SLC9C2: variants seen among roughly 807,000 people sequenced by gnomAD.
The protein encoded by SLC9C2 is solute carrier family 9 member C2 (putative).
SLC9C2 carries 75 observed loss-of-function variants against 140.2 expected under a neutral mutation model. The ratio of observed to expected loss-of-function variants is 0.53; its 90% CI spans 0.44 to 0.65. The LOEUF (loss-of-function observed/expected upper bound fraction) is 0.65, where lower values mean the gene tolerates loss of function less well. Ranked by LOEUF, SLC9C2 falls within the 30% of genes least tolerant of loss-of-function variation. SLC9C2 has a pLI of 0.00. For synonymous variants in SLC9C2, 375 were observed against 420.9 expected (o/e 0.89, Z 1.34); for missense variants, 1,074 against 1,331.8 (o/e 0.81, Z 3.01).
chr1:173,591,496 T>C (rs914360496), intron 4 of SLC9C2, among the ~76,000 whole-genome samples: 3 of 152,172 alleles, frequency 2.0e-5, no homozygotes, highest in South Asian at 2.1e-4. Flanking sequence ...CCCACCAAGA[T>C]TGTATAAGTA....
intron 19 of SLC9C2, 132 bp downstream of exon 19, chr1:173,526,531 C>A (rs1043473497): frequency 1.3e-5 from 10 of 798,242 alleles, no homozygotes; most frequent in Non-Finnish European, 1.9e-5. Context: ...GGCCCATTAG[C>A]TGTGTTTAAT....
At chr1:173,564,794 C>T (rs112257531) in intron 9 of SLC9C2, among the ~76,000 whole-genome samples, 3,028 of 148,640 alleles carry the variant, frequency 0.02, 99 homozygotes, top group African/African-American at 0.07. Flanking sequence ...CCTGCCACCA[C>T]GCCTGGCTAA....
chr1:173,528,291 A>C lies in SLC9C2; in HGVS notation c.2314-1577T>G, dbSNP rs145997820. ...AATCTTTACTGGTGCTTCTTTCAAA[A>C]TGTCACAGGGGATTCACTTCACCTG... On this transcript the variant is annotated intron_variant, in intron 18 of 27. Transcript: ENST00000367714. 1.7e-4 allele frequency among the ~76,000 whole-genome samples: 26 copies of C among 152,302 alleles called. 1 individual carries two copies. In the East Asian group the frequency reaches 4.8e-3, roughly 28 times the overall value.
intron 8 of SLC9C2, among the ~76,000 whole-genome samples, chr1:173,574,226 G>A (rs1392624927): frequency 6.6e-6 from 1 of 152,156 alleles, no homozygotes; most frequent in Non-Finnish European, 1.5e-5. Context: ...AAGTGCATCT[G>A]CCCCACAAAC....
At chr1:173,570,880 T>C (rs900456031) in intron 9 of SLC9C2, among the ~76,000 whole-genome samples, 4 of 151,880 alleles carry the variant, frequency 2.6e-5, no homozygotes, top group Admixed American at 1.3e-4. Context: ...ATTCTCTCTC[T>C]GCACCACACA....
intron 23 of SLC9C2, 22 bp from the exon 24 acceptor site, chr1:173,509,721 C>T (rs1426698062): frequency 6.4e-7 from 1 of 1,567,034 alleles, no homozygotes; most frequent in East Asian, 2.4e-5. Flanking sequence ...AGGAACCAGG[C>T]CATAGCAGCT....
intron 9 of SLC9C2, among the ~76,000 whole-genome samples, chr1:173,569,159 G>A (rs1664682047): frequency 6.6e-6 from 1 of 151,916 alleles, no homozygotes; most frequent in Non-Finnish European, 1.5e-5. Context: ...GGTTTCCACC[G>A]AAAAGTCTGC....
Position 173,554,871 on chromosome 1 carries a change from G to A in SLC9C2, c.1216-57C>T, listed in dbSNP as rs141825536. The A allele has an allele frequency of 1.6e-4, 161 of 1,029,250 alleles. 1 individual carries two copies. In the African/African-American group the frequency reaches 2.3e-3, roughly 15 times the overall value. 63.8% of individuals were successfully genotyped at this position (1,029,250 alleles called of 1,614,324 possible). A position where few individuals can be genotyped will look rare whatever the true frequency, so the allele number is the denominator to read the frequency against. On this transcript the variant is annotated intron_variant, in intron 10 of 27. Transcript: ENST00000367714. ...AAAACATTAAATAAGTTCTCCAAAA[G>A]CAATCATTGTTCAATTAGCCACTTA...
intron 14 of SLC9C2, 97 bp downstream of exon 14, chr1:173,536,841 AATAG>A: frequency 2.4e-6 from 2 of 834,398 alleles, no homozygotes; most frequent in South Asian, 3.1e-5. Flanking sequence ...TATGTGAAAT[AATAG>A]ATTGATCAAT....
intron 23 of SLC9C2, among the ~76,000 whole-genome samples, chr1:173,516,592 A>T (rs951400506): frequency 9.2e-5 from 14 of 152,160 alleles, no homozygotes; most frequent in African/African-American, 3.4e-4. Flanking sequence ...GCATTAATTT[A>T]CTAAAGATAA....
chr1:173,553,930 C>T (rs1024185989), intron 11 of SLC9C2, among the ~76,000 whole-genome samples: 9 of 152,188 alleles, frequency 5.9e-5, no homozygotes, highest in Non-Finnish European at 8.8e-5. Flanking sequence ...TAAGGCTCTA[C>T]GATAAGACTT....
At chr1:173,526,642 T>C in intron 19 of SLC9C2, 21 bp downstream of exon 19, 1 of 1,574,898 alleles carries the variant, frequency 6.3e-7, no homozygotes, top group Non-Finnish European at 8.6e-7. Flanking sequence ...CTTTAAGAAC[T>C]CAGATACTTC....
intron 13 of SLC9C2, among the ~76,000 whole-genome samples, 198 bp downstream of exon 13, chr1:173,547,491 T>C (rs894724707): frequency 3.3e-5 from 5 of 151,492 alleles, no homozygotes; most frequent in African/African-American, 4.9e-5. Flanking sequence ...AACAGGATAA[T>C]AAGGTTTGTG....
At chr1:173,535,747 G>A (rs1661903566) in intron 15 of SLC9C2, 83 bp downstream of exon 15, 1 of 1,375,330 alleles carries the variant, frequency 7.3e-7, no homozygotes, top group South Asian at 1.4e-5. Flanking sequence ...TCTCAAATAA[G>A]GAAAATTGAG....
chr1:173,528,820 A>T (rs1661379581), intron 18 of SLC9C2, among the ~76,000 whole-genome samples: 2 of 152,204 alleles, frequency 1.3e-5, no homozygotes, highest in African/African-American at 4.8e-5. Flanking sequence ...AGCTGTTGAT[A>T]CTGTTCACCT....
intron 26 of SLC9C2, among the ~76,000 whole-genome samples, chr1:173,503,899 C>T (rs1659455236): frequency 7.2e-5 from 11 of 152,176 alleles, no homozygotes; most frequent in Admixed American, 6.5e-4. Context: ...TTCCCTCTAT[C>T]TAAAAATGAT....
intron 13 of SLC9C2, among the ~76,000 whole-genome samples, chr1:173,538,592 T>G (rs1662144597): frequency 6.6e-6 from 1 of 151,982 alleles, no homozygotes; most frequent in Middle Eastern, 3.4e-3. Flanking sequence ...CAGCACAGGG[T>G]GTTAATCAGA....
chr1:173,549,105 C>T (rs1243244284), intron 11 of SLC9C2, among the ~76,000 whole-genome samples: 3 of 152,174 alleles, frequency 2.0e-5, no homozygotes, highest in Admixed American at 2.0e-4. Flanking sequence ...GTATGAACTA[C>T]AAGGCTCACT....
At chr1:173,573,497 C>A (rs996903557) in intron 8 of SLC9C2, among the ~76,000 whole-genome samples, 172 bp from the exon 9 acceptor site, 1 of 152,182 alleles carries the variant, frequency 6.6e-6, no homozygotes, top group Non-Finnish European at 1.5e-5. Context: ...TAAAAGCACC[C>A]AGTTCCATAT....
Sources: allele counts gnomAD v4.1 joint callset (sites outside exome capture counted in the v4.1 genomes callset), GRCh38; gene constraint gnomAD v4.1.1; transcripts MANE v1.5; gene names NCBI Gene and HGNC (gene_info 2026-07-23, HGNC 2026-07-21).